CHD6: variants seen among roughly 807,000 people sequenced by gnomAD.
CHD6 encodes the protein ATP-dependent chromatin remodeler CHD6.
CHD6 carries 50 observed loss-of-function variants against 276.9 expected under a neutral mutation model. The ratio of observed to expected loss-of-function variants is 0.18; its 90% confidence interval spans 0.14 to 0.23. CHD6 has a LOEUF of 0.23. CHD6 is among the 10% of genes least tolerant of loss of function. The pLI, the probability that CHD6 is intolerant of heterozygous loss-of-function variation, is 1.00. For missense variants in CHD6, 2,564 were observed against 3,365.8 expected (o/e 0.76, Z 5.89); for synonymous variants, 1,173 against 1,229.3 (o/e 0.95, Z 0.96).
intron 2 of CHD6, chr20:41,547,835 C>T: frequency 4.4e-6 from 2 of 452,908 alleles, no homozygotes; most frequent in Non-Finnish European, 4.3e-6. Context: ...CTGACTACTG[C>T]CCAGTCTGTG....
At chr20:41,430,581 T>G (rs1037368118) in intron 27 of CHD6, among the ~76,000 whole-genome samples, 1 of 152,234 alleles carries the variant, frequency 6.6e-6, no homozygotes. Context: ...TTACAAGTCT[T>G]AGCTCTGTGA....
At chr20:41,468,108 C>CTT (rs34106201) in intron 17 of CHD6, among the ~76,000 whole-genome samples, 9 of 136,650 alleles carry the variant, frequency 6.6e-5, no homozygotes, top group Non-Finnish European at 8.0e-5. Context: ...TCCTATCATT[C>CTT]TTTTTTTTTT....
At chr20:41,458,908 C>A (rs1447299353) in intron 17 of CHD6, among the ~76,000 whole-genome samples, 1 of 152,114 alleles carries the variant, frequency 6.6e-6, no homozygotes, top group Non-Finnish European at 1.5e-5. Context: ...CTTATCTTGG[C>A]CCAGAGCAGT....
At chr20:41,471,252 A>T (rs2043045322) in intron 17 of CHD6, among the ~76,000 whole-genome samples, 2 of 152,246 alleles carry the variant, frequency 1.3e-5, no homozygotes, top group South Asian at 4.1e-4. Context: ...GCAGGCCAAA[A>T]GGCAATCATT....
chr20:41,511,423 T>A (rs2044115776), intron 5 of CHD6, among the ~76,000 whole-genome samples: 1 of 152,222 alleles, frequency 6.6e-6, no homozygotes, highest in African/African-American at 2.4e-5. Context: ...GACCTCTTTT[T>A]TTCAACATTT....
intron 34 of CHD6, chr20:41,414,670 G>A (rs949859218): frequency 1.6e-5 from 4 of 245,476 alleles, no homozygotes; most frequent in East Asian, 1.4e-4. Flanking sequence ...CATGATCTCC[G>A]TAAATCTTCA....
In CHD6 at chr20:41,416,634, T is replaced by G; in HGVS notation, c.6440A>C (p.Glu2147Ala). The stretch of plus-strand genomic sequence containing the variant: ...TGCTGCGCCGTTGCTGAAGCTGTGT[T>G]CTGCTGCTTCCGGCTCTGAGAGGCT... ...RTSLSEPEAA[E>A]HSFSNGAALA... Residue 2147 changes from glutamate (E) to alanine (A), a missense_variant, in exon 33 of 37, where the codon GAA (glutamate) becomes GCA (alanine). Transcript: ENST00000373233. The G allele has an allele frequency of 6.2e-7, 1 of 1,613,912 alleles. No homozygotes were observed. The highest frequency in any genetic ancestry group is 8.5e-7 in the Non-Finnish European group (1 of 1,179,954).
At chr20:41,493,996 C>A in intron 8 of CHD6, 52 bp from the exon 9 acceptor site, 2 of 1,343,088 alleles carry the variant, frequency 1.5e-6, no homozygotes, top group South Asian at 1.2e-5. Context: ...TGCCTCAAAT[C>A]CAACACCTAG....
At position 41,603,617 on chromosome 20, in the gene CHD6, G is replaced by A. The variant is rs772087979; in HGVS notation, c.-24+14723C>T. Among the ~76,000 whole-genome samples the A allele has an allele frequency of 7.2e-5, 11 of 152,290 alleles. No homozygotes were observed. In the South Asian group the frequency reaches 2.3e-3, roughly 32 times the overall value. On this transcript the variant is annotated intron_variant, in intron 1 of 36. Transcript: ENST00000373233. ...ACGGTGGCTCACGCCTGTAATCCCAGCACTTTGGGAGGCCAAGGCAGGTGG... is the reference window on the plus strand; with the variant it reads ...ACGGTGGCTCACGCCTGTAATCCCAACACTTTGGGAGGCCAAGGCAGGTGG...
intron 1 of CHD6, among the ~76,000 whole-genome samples, chr20:41,569,827 G>A (rs1331239564): frequency 6.6e-6 from 1 of 152,076 alleles, no homozygotes; most frequent in African/African-American, 2.4e-5. Flanking sequence ...TATATGGGAG[G>A]ATGTGAGTAG....
Position 41,452,948 on chromosome 20 carries a change from A to G in CHD6, c.3121-6T>C. ...CGGTCGATCACTAAGCTTTCCTAGA[A>G]ATGGAGAGGACTACTGGGAAGAAAG... is the stretch of plus-strand genomic sequence containing the variant. On this transcript the variant is annotated splice_polypyrimidine_tract_variant and splice_region_variant and intron_variant, in intron 20 of 36. Transcript: ENST00000373233. This position sits in a 1 kb window ranked among gnomAD's most constrained non-coding sequence, Gnocchi z 4.2. The G allele has an allele frequency of 6.2e-7, 1 of 1,611,260 alleles. No homozygotes were observed. The highest frequency in any genetic ancestry group is 8.5e-7 in the Non-Finnish European group (1 of 1,177,720).
chr20:41,437,851 CAA>C (rs1216169809), intron 26 of CHD6, among the ~76,000 whole-genome samples: 1 of 151,536 alleles, frequency 6.6e-6, no homozygotes, highest in African/African-American at 2.5e-5. Flanking sequence ...TGGGAGAATT[CAA>C]GAGACACTGA....
At chr20:41,602,101 C>G (rs2045778912) in intron 1 of CHD6, among the ~76,000 whole-genome samples, 1 of 152,216 alleles carries the variant, frequency 6.6e-6, no homozygotes, top group Non-Finnish European at 1.5e-5. Context: ...TATTTCATTT[C>G]CGTGGTGCTC....
intron 1 of CHD6, among the ~76,000 whole-genome samples, chr20:41,580,914 G>A (rs566168036): frequency 6.6e-6 from 1 of 152,236 alleles, no homozygotes; most frequent in South Asian, 2.1e-4. Flanking sequence ...TAAGACAGAA[G>A]AGACAACATT....
intron 23 of CHD6, 30 bp from the exon 24 acceptor site, chr20:41,448,001 A>C: frequency 2.9e-6 from 4 of 1,365,692 alleles, no homozygotes; most frequent in Non-Finnish European, 4.1e-6. Flanking sequence ...TAATGCAAAC[A>C]AATTAGAACC....
rs554235021 is a variant in CHD6 at position 41,403,819 on chromosome 20, C to G, written c.*774G>C. The G allele has an allele frequency of 9.5e-7, 1 of 1,057,168 alleles. No individual in the cohort carries two copies. The highest frequency in any genetic ancestry group is 4.6e-5 in the South Asian group (1 of 21,910). 65.5% of individuals were successfully genotyped at this position (1,057,168 alleles called of 1,614,324 possible). A position where few individuals can be genotyped will look rare whatever the true frequency, so the allele number is the denominator to read the frequency against. Reference sequence around the variant, plus strand: ...TGAAGCAGCGTGTAGCTCTACGGAGCGCGGGTCCTTGCCCCACCCCCGTCG... The same window carrying G: ...TGAAGCAGCGTGTAGCTCTACGGAGGGCGGGTCCTTGCCCCACCCCCGTCG... On this transcript the variant is annotated 3_prime_UTR_variant, in exon 37 of 37. Transcript: ENST00000373233.
At chr20:41,522,431 C>T (rs908634709) in intron 3 of CHD6, among the ~76,000 whole-genome samples, 2 of 152,138 alleles carry the variant, frequency 1.3e-5, no homozygotes, top group South Asian at 2.1e-4. Flanking sequence ...TCAAGGGATG[C>T]TAAATCTTGG....
chr20:41,403,974 C>T lies in CHD6; in HGVS notation c.*619G>A, dbSNP rs1019745330. The T allele has an allele frequency of 2.0e-5, 21 of 1,053,994 alleles. No homozygotes were observed. The African/African-American group carries it at 3.1e-4, about 16-fold the overall frequency. The allele number at this position is 1,053,994 out of a possible 1,614,324, so 65.3% of individuals were successfully genotyped here. ...CTTGCTGCAGGTGTCTGAAAAACCA[C>T]CAAGGGGGAAATTATATTACTACCG... On this transcript the variant is annotated 3_prime_UTR_variant, in exon 37 of 37. Transcript: ENST00000373233.
Position 41,484,345 on chromosome 20 carries a change from G to C in CHD6, c.2257+7C>G. On this transcript the variant is annotated splice_region_variant and intron_variant, in intron 15 of 36. Coordinates refer to ENST00000373233, the MANE Select transcript of CHD6 (RefSeq NM_032221.5). ...TCCTGAGTTACTTCCTAGTGCCCCT[G>C]ACTCACCATTGATCAGGTAGGGATG... 2 of 1,613,570 alleles carry C rather than the reference G, an allele frequency of 1.2e-6. No individual in the cohort carries two copies. The highest frequency in any genetic ancestry group is 1.7e-6 in the Non-Finnish European group (2 of 1,179,696).
Sources: gnomAD v4.1 joint callset for allele counts (sites outside exome capture counted in the v4.1 genomes callset) on GRCh38, gnomAD v4.1.1 for gene constraint, Gnocchi (gnomAD v3.1) non-coding constraint, MANE v1.5 for transcripts, NCBI Gene and HGNC (gene_info 2026-07-23, HGNC 2026-07-21) for gene names.